UBE2E2: variants seen among roughly 807,000 people sequenced by gnomAD.
The protein encoded by UBE2E2 is ubiquitin conjugating enzyme E2 E2.
UBE2E2 carries 6 observed loss-of-function variants against 24.7 expected under a neutral mutation model. The ratio of observed to expected loss-of-function variants is 0.24; its 90% CI spans 0.13 to 0.48. UBE2E2 has a LOEUF of 0.48. UBE2E2 is among the 20% of genes least tolerant of loss of function. UBE2E2 has a pLI of 0.99. For missense variants in UBE2E2, 169 were observed against 245.0 expected (o/e 0.69, Z 2.07); for synonymous variants, 104 against 83.6 (o/e 1.24, Z -1.33).
intron 5 of UBE2E2, among the ~76,000 whole-genome samples, chr3:23,561,446 C>A (rs1695927371): frequency 6.6e-6 from 1 of 152,098 alleles, no homozygotes; most frequent in South Asian, 2.1e-4. Flanking sequence ...TGTTTTGGTA[C>A]CAGTACCATG....
chr3:23,386,267 C>T (rs1185267103), intron 3 of UBE2E2, among the ~76,000 whole-genome samples: 3 of 152,114 alleles, frequency 2.0e-5, no homozygotes, highest in South Asian at 2.1e-4. Flanking sequence ...GGGTCCCCTT[C>T]CTTGTTTATA....
At chr3:23,473,727 C>A (rs1408149429) in intron 3 of UBE2E2, among the ~76,000 whole-genome samples, 1 of 152,040 alleles carries the variant, frequency 6.6e-6, no homozygotes, top group Admixed American at 6.5e-5. Flanking sequence ...GAATAATATG[C>A]CATTAATTAA....
At chr3:23,293,426 A>G (rs1698824408) in intron 3 of UBE2E2, among the ~76,000 whole-genome samples, 1 of 152,226 alleles carries the variant, frequency 6.6e-6, no homozygotes, top group Non-Finnish European at 1.5e-5. Context: ...TCAAATGCAT[A>G]ATATTGTGTC....
chr3:23,502,957 T>C (rs1344620900), intron 4 of UBE2E2, among the ~76,000 whole-genome samples: 1 of 152,190 alleles, frequency 6.6e-6, no homozygotes, highest in African/African-American at 2.4e-5. Context: ...CCAATGATAA[T>C]ATTATTTCTC....
rs1233623496 is a variant in UBE2E2 at position 23,380,733 on chromosome 3, T to A, written c.228-118875T>A. Among the ~76,000 whole-genome samples the A allele has an allele frequency of 2.6e-5, 4 of 152,202 alleles. No homozygotes were observed. In the East Asian group the frequency reaches 7.7e-4, roughly 29 times the overall value. Reference sequence around the variant, plus strand: ...GTGACTTTGATCTGGCTGGAGGGGTTCTAAGTCCATATGCTCCCCCTTGAT... The same window carrying A: ...GTGACTTTGATCTGGCTGGAGGGGTACTAAGTCCATATGCTCCCCCTTGAT... On this transcript the variant is annotated intron_variant, in intron 3 of 5. Transcript: ENST00000396703.
chr3:23,272,682 G>T (rs1296127038), intron 3 of UBE2E2, among the ~76,000 whole-genome samples: 1 of 152,218 alleles, frequency 6.6e-6, no homozygotes, highest in East Asian at 1.9e-4. Flanking sequence ...GAGAGAGAGA[G>T]AGAGAGAGAT....
At chr3:23,501,339 C>T (rs751101691) in intron 4 of UBE2E2, among the ~76,000 whole-genome samples, 5 of 152,222 alleles carry the variant, frequency 3.3e-5, no homozygotes, top group South Asian at 2.1e-4. Flanking sequence ...AGAGTCAAAT[C>T]GCATTCTTGA....
intron 3 of UBE2E2, among the ~76,000 whole-genome samples, chr3:23,344,167 G>C (rs1261610833): frequency 6.6e-6 from 1 of 152,004 alleles, no homozygotes; most frequent in Non-Finnish European, 1.5e-5. Context: ...GTCTAATCAT[G>C]TTATTGATTA....
At chr3:23,529,122 G>A (rs1045150874) in intron 4 of UBE2E2, among the ~76,000 whole-genome samples, 1 of 152,186 alleles carries the variant, frequency 6.6e-6, no homozygotes, top group Admixed American at 6.5e-5. Context: ...GGACAGAGTT[G>A]TAGTTGCCAG....
chr3:23,353,515 G>A (rs1695830106), intron 3 of UBE2E2, among the ~76,000 whole-genome samples: 1 of 152,194 alleles, frequency 6.6e-6, no homozygotes, highest in South Asian at 2.1e-4. Context: ...ATCTCCTTAA[G>A]CTGATAAGCA....
At chr3:23,471,365 T>C (rs1021578143) in intron 3 of UBE2E2, among the ~76,000 whole-genome samples, 2 of 152,180 alleles carry the variant, frequency 1.3e-5, no homozygotes, top group Non-Finnish European at 2.9e-5. Flanking sequence ...AGTATCCTTA[T>C]AAACCCCCAA....
In UBE2E2 at chr3:23,426,190, A is replaced by G. The variant is rs372011870; in HGVS notation, c.228-73418A>G. ...TGAGTATATGTCAGTAGAAACTTCC[A>G]AGATAGAAAAGTAAAGGGAAAAAAG... On this transcript the variant is annotated intron_variant, in intron 3 of 5. Transcript: ENST00000396703. Among the ~76,000 whole-genome samples, 7 of 152,318 alleles carry G rather than the reference A, an allele frequency of 4.6e-5. No individual in the cohort carries two copies. The East Asian group carries it at 1.2e-3, about 25-fold the overall frequency.
At chr3:23,349,647 A>G (rs1056143115) in intron 3 of UBE2E2, among the ~76,000 whole-genome samples, 6 of 152,190 alleles carry the variant, frequency 3.9e-5, no homozygotes, top group Admixed American at 3.3e-4. Flanking sequence ...CAGCAGTCTG[A>G]GATCAAACTG....
At chr3:23,253,628 A>T (rs550213345) in intron 3 of UBE2E2, among the ~76,000 whole-genome samples, 2 of 152,252 alleles carry the variant, frequency 1.3e-5, no homozygotes, top group Non-Finnish European at 2.9e-5. Context: ...GCTCTAGCTT[A>T]TGGAAAATGA....
intron 3 of UBE2E2, among the ~76,000 whole-genome samples, chr3:23,305,852 C>T (rs1699223952): frequency 6.6e-6 from 1 of 152,184 alleles, no homozygotes; most frequent in African/African-American, 2.4e-5. Context: ...GCCTTAGCTT[C>T]CCAAAGTGCT....
intron 3 of UBE2E2, among the ~76,000 whole-genome samples, chr3:23,470,205 C>G (rs1048624134): frequency 1.3e-5 from 2 of 152,120 alleles, no homozygotes; most frequent in Admixed American, 1.3e-4. Flanking sequence ...GTTACTGTGC[C>G]CCTCCTTTTC....
At chr3:23,216,097 G>C (rs957439488) in intron 2 of UBE2E2, among the ~76,000 whole-genome samples, 82 of 152,242 alleles carry the variant, frequency 5.4e-4, no homozygotes, top group African/African-American at 1.9e-3. Context: ...CAGTATTCTT[G>C]CTCAGGGACT....
chr3:23,323,591 G>T (rs913658254), intron 3 of UBE2E2: 3 of 436,298 alleles, frequency 6.9e-6, no homozygotes, highest in South Asian at 1.6e-5. Flanking sequence ...CACTAGGTAG[G>T]TATAATGCAC....
chr3:23,221,353 T>C (rs1696633920), intron 3 of UBE2E2, among the ~76,000 whole-genome samples: 1 of 152,226 alleles, frequency 6.6e-6, no homozygotes, highest in African/African-American at 2.4e-5. Flanking sequence ...AGGTTTTTAG[T>C]ATAGTCTCGG....
Sources: allele counts gnomAD v4.1 joint callset (sites outside exome capture counted in the v4.1 genomes callset), GRCh38; gene constraint gnomAD v4.1.1; transcripts MANE v1.5; gene names NCBI Gene and HGNC (gene_info 2026-07-23, HGNC 2026-07-21).